The following TMEM217 variants were observed in gnomAD, a reference collection of about 807,000 sequenced individuals.
TMEM217 encodes the protein chromosome 6 open reading frame 128.
For synonymous variants in TMEM217, 76 were observed against 88.3 expected (o/e 0.86, Z 0.78); for missense variants, 204 against 248.8 (o/e 0.82, Z 1.21).
downstream of TMEM217, among the ~76,000 whole-genome samples, chr6:37,216,032 T>TGTGTGTGTGA (rs1159463220): frequency 1.4e-5 from 2 of 138,454 alleles, no homozygotes; most frequent in African/African-American, 5.3e-5. Context: ...TGTGTGTGTG[T>TGTGTGTGTGA]GAGAAACAGA....
At chr6:37,218,353 T>C in exon 2 of TMEM217, 5 of 1,290,124 alleles carry the variant, frequency 3.9e-6, no homozygotes, top group Non-Finnish European at 5.3e-6. Context: ...TTTTTTTTAG[T>C]AGAGACGGGG....
chr6:37,252,569 GT>G (rs1170306370), intron 1 of TMEM217, among the ~76,000 whole-genome samples: 1 of 148,326 alleles, frequency 6.7e-6, no homozygotes, highest in African/African-American at 2.5e-5. Flanking sequence ...TGAGGGGTGT[GT>G]GTGTGCACGT....
rs1554170993 is a variant in TMEM217 at position 37,229,347 on chromosome 6, T to TTTTTTG, written c.-11-10307_-11-10306insCAAAAA. On this transcript the variant is annotated intron_variant, in intron 1 of 1. Coordinates refer to ENST00000357219, the Ensembl canonical transcript of TMEM217. ...CTAGCAACTTTCAGTTTTTTTTTTT[T>TTTTTTG]TTTTTTTTTTTTTGAGACAGTGTCT... Among the ~76,000 whole-genome samples, 141 of 131,190 alleles carry TTTTTTG rather than the reference T, an allele frequency of 1.1e-3. 6 individuals are homozygous for TTTTTTG. The highest frequency in any genetic ancestry group is 3.7e-3 in the Middle Eastern group (1 of 270). 86.1% of individuals were successfully genotyped at this position (131,190 alleles called of 152,430 possible). A position where few individuals can be genotyped will look rare whatever the true frequency, so the allele number is the denominator to read the frequency against.
Position 37,252,643 on chromosome 6 carries a change from T to A in TMEM217, c.-12+4925A>T, listed in dbSNP as rs1452519190. On this transcript the variant is annotated intron_variant, in intron 1 of 1. Coordinates refer to ENST00000357219, the Ensembl canonical transcript of TMEM217. Reference sequence around the variant, plus strand: ...TATATATATATATATATATATTTTTTTTTTTTTTTTTTTTTTGACAGGGTC... The same window carrying A: ...TATATATATATATATATATATTTTTATTTTTTTTTTTTTTTTGACAGGGTC... 8.4e-3 allele frequency among the ~76,000 whole-genome samples: 734 copies of A among 87,864 alleles called. 2 individuals are homozygous for A. The highest frequency in any genetic ancestry group is 0.032 in the African/African-American group (467 of 14,522). The allele number at this position is 87,864 out of a possible 152,430, so 57.6% of individuals were successfully genotyped here.
chr6:37,246,868 G>A (rs1022428021), intron 1 of TMEM217, among the ~76,000 whole-genome samples: 9 of 150,436 alleles, frequency 6.0e-5, no homozygotes, highest in Non-Finnish European at 8.8e-5. Context: ...GTGCCACTGC[G>A]TTCTAGCCTG....
chr6:37,240,567 C>T (rs1288512915), intron 1 of TMEM217, among the ~76,000 whole-genome samples: 1 of 152,102 alleles, frequency 6.6e-6, no homozygotes, highest in Non-Finnish European at 1.5e-5. Context: ...TCCATCACTT[C>T]AGCTATTTAA....
Position 37,212,404 on chromosome 6 carries a change from T to G in TMEM217, c.*593A>C, listed in dbSNP as rs78100727. ...CCATTCCCTCCCACCTTTCCTGGCA[T>G]CTGGCATGGTTCAGTTTAACTTCCG... On this transcript the variant is annotated 3_prime_UTR_variant, in exon 4 of 4. Coordinates refer to the TMEM217 transcript ENST00000336655. 7.7e-3 allele frequency: 3,044 copies of G among 395,824 alleles called. 69 individuals are homozygous for G. The highest frequency in any genetic ancestry group is 0.056 in the African/African-American group (2,707 of 48,604). 24.5% of individuals were successfully genotyped at this position (395,824 alleles called of 1,614,324 possible).
In TMEM217 at chr6:37,245,543, C is replaced by T. The variant is rs878926924; in HGVS notation, c.-12+12025G>A. ...ACAGGAAGGTTGGGAAAATAAGTAGCTGGCATTTTCAGCTATAATACTAGG... is the reference window on the plus strand; with the variant it reads ...ACAGGAAGGTTGGGAAAATAAGTAGTTGGCATTTTCAGCTATAATACTAGG... On this transcript the variant is annotated intron_variant, in intron 1 of 1. Coordinates refer to ENST00000357219, the Ensembl canonical transcript of TMEM217. 3.3e-5 allele frequency among the ~76,000 whole-genome samples: 5 copies of T among 152,238 alleles called. 1 individual carries two copies. Among genetic ancestry groups the T allele is most frequent in the Admixed American group, 3.3e-4 (5 of 15,276 alleles).
chr6:37,235,609 G>A (rs554195764), intron 1 of TMEM217, among the ~76,000 whole-genome samples: 262 of 44,276 alleles, frequency 5.9e-3, no homozygotes, highest in Middle Eastern at 0.029. Context: ...CTTGTGATCC[G>A]TCCACCTTGG....
intron 1 of TMEM217, among the ~76,000 whole-genome samples, chr6:37,250,551 G>A (rs1438541047): frequency 6.6e-6 from 1 of 152,244 alleles, no homozygotes; most frequent in Non-Finnish European, 1.5e-5. Context: ...AGTGGAAGTT[G>A]TACATGTTCT....
chr6:37,241,537 A>C (rs1009404971), intron 1 of TMEM217, among the ~76,000 whole-genome samples: 1 of 152,130 alleles, frequency 6.6e-6, no homozygotes, highest in African/African-American at 2.4e-5. Flanking sequence ...GCAGGATCCA[A>C]GGTCCCCATT....
chr6:37,212,944 A>G (rs1480528914), downstream of TMEM217: 5 of 1,550,210 alleles, frequency 3.2e-6, no homozygotes, highest in Non-Finnish European at 4.4e-6. Context: ...GATGCCCACC[A>G]TGAGGGAGAA....
intron 1 of TMEM217, among the ~76,000 whole-genome samples, chr6:37,225,207 G>GA (rs955506879): frequency 7.3e-5 from 11 of 150,986 alleles, no homozygotes; most frequent in South Asian, 6.3e-4. Context: ...CTAAAAAAAA[G>GA]AAAAAAAAAT....
intron 1 of TMEM217, among the ~76,000 whole-genome samples, chr6:37,249,669 C>T (rs968285582): frequency 9.2e-5 from 14 of 152,350 alleles, no homozygotes; most frequent in Middle Eastern, 3.4e-3. Context: ...TTCTACTTTT[C>T]TGTTTCCTGT....
rs190631562 is a variant in TMEM217, at chr6:37,229,142, G to A, written c.-11-10101C>T. On this transcript the variant is annotated intron_variant, in intron 1 of 1. Transcript: ENST00000357219. ...GTGTGTATTTATTTCCTCGTTGATA[G>A]TTTCAAGAGGGAGGTGTATTTGTAT... Among the ~76,000 whole-genome samples the A allele has an allele frequency of 1.3e-3, 205 of 152,170 alleles. 3 individuals carry two copies. The South Asian group carries it at 0.013, about 10-fold the overall frequency.
intron 1 of TMEM217, among the ~76,000 whole-genome samples, chr6:37,241,700 A>C (rs1764777593): frequency 6.6e-6 from 1 of 152,234 alleles, no homozygotes; most frequent in East Asian, 1.9e-4. Context: ...GGCAATATCC[A>C]GGCCAATTTA....
chr6:37,212,793 G>A (rs577924846), downstream of TMEM217: 7 of 737,986 alleles, frequency 9.5e-6, no homozygotes, highest in African/African-American at 3.5e-5. Flanking sequence ...GGCCAGTGCT[G>A]ATATTAGCCC....
downstream of TMEM217, chr6:37,212,893 A>C (rs775865055): frequency 5.0e-5 from 77 of 1,529,410 alleles, 1 homozygote; most frequent in Non-Finnish European, 2.7e-6. Context: ...CTTCTGGTTC[A>C]GGTCAAAGAT....
intron 1 of TMEM217, among the ~76,000 whole-genome samples, chr6:37,220,439 C>T (rs1763440103): frequency 6.6e-6 from 1 of 152,140 alleles, no homozygotes. Context: ...AGAAGTAAAC[C>T]TCCCCTACAT....
Sources: allele counts gnomAD v4.1 joint callset (sites outside exome capture counted in the v4.1 genomes callset), GRCh38; gene constraint gnomAD v4.1.1; transcripts MANE v1.5; gene names NCBI Gene and HGNC (gene_info 2026-07-23, HGNC 2026-07-21).